Variants in AK3 observed in about 807,000 individuals in gnomAD.
The protein encoded by AK3 is GTP:AMP phosphotransferase AK3, mitochondrial.
A neutral mutation model predicts 23.7 loss-of-function variants in AK3; 27 were observed. That is an observed-to-expected ratio of 1.14 (90% CI 0.84 to 1.57). The LOEUF (loss-of-function observed/expected upper bound fraction) is 1.57. Among genes scored for constraint, AK3 ranks in the 40% most tolerant of loss-of-function variants. The pLI is 0.00. For missense variants in AK3, 406 were observed against 285.6 expected, an observed-to-expected ratio of 1.42 and a Z score of -3.04; for synonymous variants, 159 against 116.0, an observed-to-expected ratio of 1.37 and a Z score of -2.38.
chr9:4,735,762 C>G (rs906715823), intron 1 of AK3, among the ~76,000 whole-genome samples: 2 of 136,008 alleles, frequency 1.5e-5, no homozygotes, highest in African/African-American at 5.5e-5. Flanking sequence ...AGCCACCATG[C>G]CTGGCCAAAA....
chr9:4,731,757 T>C (rs1842159415), intron 1 of AK3, among the ~76,000 whole-genome samples: 1 of 152,152 alleles, frequency 6.6e-6, no homozygotes, highest in African/African-American at 2.4e-5. Context: ...AACAGACTCC[T>C]CATAAAAATT....
chr9:4,713,882 T>C (rs1841628063), intron 4 of AK3, among the ~76,000 whole-genome samples: 1 of 2,718 alleles, frequency 3.7e-4, no homozygotes, highest in African/African-American at 1.4e-3. Context: ...ATACCCGTCC[T>C]CTAGCCCATG....
intron 1 of AK3, 32 bp downstream of exon 1, chr9:4,740,905 C>A: frequency 6.7e-7 from 1 of 1,493,264 alleles, no homozygotes. Flanking sequence ...CGGGTGACAG[C>A]GCACGGCCGG....
chr9:4,712,722 T>C lies in AK3; in HGVS notation c.*254A>G. On this transcript the variant is annotated 3_prime_UTR_variant, in exon 5 of 5. Coordinates refer to ENST00000381809, the MANE Select transcript of AK3 (RefSeq NM_016282.4). ...GCTCTTTTAATTTTGCTCTAACAGA[T>C]GTTTTAAAGGTTCAGACATCGCTGA... is the stretch of plus-strand genomic sequence containing the variant. 1 of 265,764 alleles carries C rather than the reference T, an allele frequency of 3.8e-6. No individual in the cohort carries two copies. 16.5% of individuals were successfully genotyped at this position (265,764 alleles called of 1,614,324 possible). A position where few individuals can be genotyped will look rare whatever the true frequency, so the allele number is the denominator to read the frequency against.
chr9:4,718,165 C>G (rs3818669), intron 4 of AK3, among the ~76,000 whole-genome samples: 40,700 of 152,110 alleles, frequency 0.27, 5,688 homozygotes, highest in African/African-American at 0.33. Flanking sequence ...ATGCAGGAAG[C>G]CTAAGGACAA....
At chr9:4,739,935 C>T (rs889692826) in intron 1 of AK3, among the ~76,000 whole-genome samples, 4 of 151,796 alleles carry the variant, frequency 2.6e-5, no homozygotes, top group Non-Finnish European at 5.9e-5. Flanking sequence ...CACGTATCTG[C>T]GCTTAAAAAG....
intron 4 of AK3, among the ~76,000 whole-genome samples, chr9:4,717,853 T>C (rs116334712): frequency 5.6e-4 from 85 of 152,352 alleles, no homozygotes; most frequent in African/African-American, 2.0e-3. Flanking sequence ...TTTATTAGGA[T>C]GTAATTTCAT....
intron 1 of AK3, among the ~76,000 whole-genome samples, chr9:4,730,980 C>G (rs753778487): frequency 1.5e-5 from 2 of 136,224 alleles, no homozygotes; most frequent in Non-Finnish European, 3.3e-5. Context: ...CCAGTTTCTG[C>G]TACCAGATCT....
intron 1 of AK3, among the ~76,000 whole-genome samples, chr9:4,726,976 A>AC (rs1257198524): frequency 2.6e-5 from 4 of 152,126 alleles, no homozygotes; most frequent in Non-Finnish European, 5.9e-5. Flanking sequence ...CTTTTGGGTG[A>AC]CCAGGTGCAT....
At chr9:4,724,722 T>C (rs919467144) in intron 1 of AK3, among the ~76,000 whole-genome samples, 3 of 151,514 alleles carry the variant, frequency 2.0e-5, no homozygotes, top group Non-Finnish European at 4.4e-5. Flanking sequence ...AAGGCTACAG[T>C]GAGCCATGAT....
Position 4,713,064 on chromosome 9 carries a change from G to A in AK3, c.596C>T (p.Thr199Ile), listed in dbSNP as rs1298019821. The change falls in exon 5 of 5, where the codon ACA becomes ATA. Residue 199 changes from threonine to isoleucine, a missense_variant. Transcript: ENST00000381809. ...ATAGGGCCAAATCTTGTTGGTTTCT[G>A]TTCCGGAGAATGTTTCCAGCACCCC... Reference protein sequence around the residue: ...KKGVLETFSGTETNKIWPYVY... With the variant: ...KKGVLETFSGIETNKIWPYVY... 6.2e-7 allele frequency: 1 copy of A among 1,613,640 alleles called. No homozygotes were observed. Among genetic ancestry groups the A allele is most frequent in the African/African-American group, 1.3e-5 (1 of 74,972 alleles).
chr9:4,737,754 C>T lies in AK3; in HGVS notation c.151+3183G>A, dbSNP rs148011486. Among the ~76,000 whole-genome samples the T allele has an allele frequency of 2.6e-4, 40 of 152,188 alleles. No homozygotes were observed. In the East Asian group the frequency reaches 6.0e-3, roughly 23 times the overall value. On this transcript the variant is annotated intron_variant, in intron 1 of 4. Transcript: ENST00000381809. The stretch of plus-strand genomic sequence containing the variant: ...AAATACAATAAAAGAGAGGACTGGA[C>T]TAAATGTCTTAAGGTCAGATTCAAG...
At chr9:4,737,352 T>A (rs1174637279) in intron 1 of AK3, among the ~76,000 whole-genome samples, 1 of 152,160 alleles carries the variant, frequency 6.6e-6, no homozygotes, top group Non-Finnish European at 1.5e-5. Flanking sequence ...AAATACTGCA[T>A]AGAGAAAAGA....
In AK3 at chr9:4,712,958, A is replaced by G. The variant is rs758359605; in HGVS notation, c.*18T>C. On this transcript the variant is annotated 3_prime_UTR_variant, in exon 5 of 5. Transcript: ENST00000381809. Reference sequence around the variant, plus strand: ...GAGGTTTGCCCATCTTACTATTAATAGTTACACACATTTCTCCTCATGGAG... The same window carrying G: ...GAGGTTTGCCCATCTTACTATTAATGGTTACACACATTTCTCCTCATGGAG... The G allele has an allele frequency of 6.2e-7, 1 of 1,610,680 alleles. No individual in the cohort carries two copies. Among genetic ancestry groups the G allele is most frequent in the South Asian group, 1.1e-5 (1 of 90,634 alleles).
chr9:4,717,445 G>A (rs187111541), intron 4 of AK3, among the ~76,000 whole-genome samples: 4 of 152,322 alleles, frequency 2.6e-5, no homozygotes, highest in Non-Finnish European at 1.5e-5. Context: ...TACATAGTCT[G>A]AGGGATTAGC....
At chr9:4,740,358 A>G (rs539493165) in intron 1 of AK3, among the ~76,000 whole-genome samples, 3 of 152,194 alleles carry the variant, frequency 2.0e-5, no homozygotes, top group Non-Finnish European at 4.4e-5. Context: ...ATGCACAAGA[A>G]TAGCCTTCGT....
At chr9:4,735,368 T>A (rs188230525) in intron 1 of AK3, among the ~76,000 whole-genome samples, 81 of 94,952 alleles carry the variant, frequency 8.5e-4, no homozygotes, top group African/African-American at 1.1e-3. Flanking sequence ...TATATACATA[T>A]ATAAATATAT....
intron 1 of AK3, among the ~76,000 whole-genome samples, chr9:4,737,107 C>A (rs757344801): frequency 1.4e-4 from 22 of 151,798 alleles, no homozygotes; most frequent in Middle Eastern, 3.4e-3. Flanking sequence ...CTATATAGTT[C>A]TTTACTATAT....
At chr9:4,740,909 C>CG (rs1842414296) in intron 1 of AK3, 28 bp downstream of exon 1, 1 of 1,502,264 alleles carries the variant, frequency 6.7e-7, no homozygotes, top group Admixed American at 2.2e-5. Flanking sequence ...TGACAGCGCA[C>CG]GGCCGGCCCT....
Sources: gnomAD v4.1 joint callset for allele counts (sites outside exome capture counted in the v4.1 genomes callset) on GRCh38, gnomAD v4.1.1 for gene constraint, MANE v1.5 for transcripts, NCBI Gene and HGNC (gene_info 2026-07-23, HGNC 2026-07-21) for gene names.